The following CD22 variants were observed in gnomAD, a reference collection of about 807,000 sequenced individuals.
The protein encoded by CD22 is B-cell receptor CD22.
Under a neutral mutation model 94.7 loss-of-function variants are expected in CD22, and 51 were observed. That is an observed-to-expected ratio of 0.54 (90% confidence interval 0.43 to 0.68). The LOEUF is 0.68. Among genes scored for constraint, CD22 ranks in the 30% least tolerant of loss-of-function variants. CD22 has a pLI of 0.00. For synonymous variants in CD22, 424 were observed against 422.5 expected (o/e 1.00, Z -0.04); for missense variants, 931 against 1,060.4 (o/e 0.88, Z 1.69).
At position 35,337,523 on chromosome 19, in the gene CD22, C is replaced by A. The variant is rs73031767; in HGVS notation, c.719-232C>A. Among the ~76,000 whole-genome samples, 1,269 of 152,220 alleles carry A rather than the reference C, an allele frequency of 8.3e-3. 10 individuals are homozygous for A. Among genetic ancestry groups the A allele is most frequent in the Non-Finnish European group, 0.013 (915 of 68,016 alleles). Reference sequence around the variant, plus strand: ...CACAGAACCCGCTCGTGGTTTCCAGCAGGATTGGCGAGGTCTGGTAGATGG... The same window carrying A: ...CACAGAACCCGCTCGTGGTTTCCAGAAGGATTGGCGAGGTCTGGTAGATGG... On this transcript the variant is annotated intron_variant, in intron 4 of 13. Coordinates refer to ENST00000085219, the MANE Select transcript of CD22 (RefSeq NM_001771.4). The surrounding 1 kb of genome is among the most constrained non-coding windows in gnomAD (Gnocchi z 4.4).
chr19:35,346,151 A>T lies in CD22; in HGVS notation c.2328A>T (p.Gly776=). The T allele has an allele frequency of 5.6e-6, 9 of 1,612,212 alleles. No individual in the cohort carries two copies. Among genetic ancestry groups the T allele is most frequent in the Non-Finnish European group, 7.6e-6 (9 of 1,178,366 alleles). ...GTCGTCTATCTGCCCTGTCTCTCAG[A>T]GATGCAGAGTCCTCAGAGATGCAGA... ...RFPEMNIPRT[G]DAESSEMQRP... The change falls in exon 13 of 14, where the codon GGA becomes GGT. Residue 776 remains glycine (G), a splice_region_variant and synonymous_variant. Coordinates refer to ENST00000085219, the MANE Select transcript of CD22 (RefSeq NM_001771.4).
intron 3 of CD22, among the ~76,000 whole-genome samples, chr19:35,333,955 T>C (rs1471884281): frequency 6.6e-6 from 1 of 152,192 alleles, no homozygotes; most frequent in Non-Finnish European, 1.5e-5. Context: ...CAAGGTCAGA[T>C]GACACTGTTG....
rs768294030 is a variant in CD22 at position 35,341,492 on chromosome 19, G to C, written c.1657G>C (p.Glu553Gln). 1 of 1,614,188 alleles carries C rather than the reference G, an allele frequency of 6.2e-7. No homozygotes were observed. Among genetic ancestry groups the C allele is most frequent in the South Asian group, 1.1e-5 (1 of 91,092 alleles). The part of the protein sequence containing the change: ...WEKNGRLLGK[E>Q]SQLNFDSISP... ...GAAAAATGGCAGGCTTCTGGGGAAA[G>C]AAAGCCAGCTGAATTTTGACTCCAT... The change falls in exon 8 of 14, where the codon GAA becomes CAA. Residue 553 changes from glutamate to glutamine, a missense_variant. Physicochemically the swap from Glu to Gln is conservative, Grantham distance 29 (BLOSUM62 2). Transcript: ENST00000085219. This position sits in a 1 kb window ranked among gnomAD's most constrained non-coding sequence, Gnocchi z 4.0.
chr19:35,338,478 A>G (rs7248108), intron 6 of CD22, 47 bp downstream of exon 6: 69,713 of 1,578,330 alleles, frequency 0.044, 3,504 homozygotes, highest in African/African-American at 0.25. Context: ...AGATGGACAC[A>G]GGGAACGGGG....
At chr19:35,334,517 G>T (rs533764223) in intron 3 of CD22, among the ~76,000 whole-genome samples, 5 of 152,336 alleles carry the variant, frequency 3.3e-5, no homozygotes, top group African/African-American at 1.2e-4. Context: ...CCCTGCCACA[G>T]GGAGTGTGGT....
intron 12 of CD22, 77 bp from the exon 13 acceptor site, chr19:35,346,074 G>T: frequency 1.8e-6 from 2 of 1,118,786 alleles, no homozygotes; most frequent in Admixed American, 1.7e-5. Context: ...GTGCTGTTGG[G>T]GGCTCTGGGT....
chr19:35,340,447 T>C (rs540729085), intron 6 of CD22, among the ~76,000 whole-genome samples: 1 of 152,200 alleles, frequency 6.6e-6, no homozygotes, highest in Non-Finnish European at 1.5e-5. Context: ...CATGCATAGC[T>C]AATTTTTAAA....
intron 9 of CD22, among the ~76,000 whole-genome samples, chr19:35,344,111 G>A (rs1027801440): frequency 1.5e-4 from 23 of 152,328 alleles, no homozygotes; most frequent in African/African-American, 5.3e-4. Flanking sequence ...CAGGAGAATC[G>A]CTTGAACCCG....
intron 9 of CD22, among the ~76,000 whole-genome samples, chr19:35,343,941 C>T (rs1316448729): frequency 6.6e-6 from 1 of 151,898 alleles, no homozygotes; most frequent in East Asian, 1.9e-4. Flanking sequence ...AAGTGGGTGG[C>T]CACAAGCACT....
chr19:35,341,574 C>T lies in CD22; in HGVS notation c.1739C>T (p.Thr580Ile), dbSNP rs1393965007. Residue 580 changes from threonine (T) to isoleucine (I), a missense_variant, in exon 8 of 14, where the codon ACA (threonine) becomes ATA (isoleucine). Transcript: ENST00000085219. The surrounding 1 kb of genome is among the most constrained non-coding windows in gnomAD (Gnocchi z 4.0). ...TGGGTGAACAACTCCATAGGACAGA[C>T]AGCGTCCAAGGCCTGGACACTTGAA... Reference protein sequence around the residue: ...SCWVNNSIGQTASKAWTLEVL... With the variant: ...SCWVNNSIGQIASKAWTLEVL... 6.2e-7 allele frequency: 1 copy of T among 1,613,544 alleles called. No homozygotes were observed. The highest frequency in any genetic ancestry group is 8.5e-7 in the Non-Finnish European group (1 of 1,179,670).
Position 35,332,700 on chromosome 19 carries a change from A to G in CD22, c.188A>G (p.Glu63Gly). 6.2e-7 allele frequency: 1 copy of G among 1,614,138 alleles called. No homozygotes were observed. ...LESFILFHNP[E>G]YNKNTSKFDG... ...AGCTTCATCCTGTTCCACAATCCTG[A>G]GTATAACAAGAACACCTCGAAGTTT... The change falls in exon 3 of 14, where the codon GAG becomes GGG. Residue 63 changes from glutamate to glycine, a missense_variant. Glu to Gly is a moderately conservative substitution (Grantham distance 98, BLOSUM62 -2). Coordinates refer to ENST00000085219, the MANE Select transcript of CD22 (RefSeq NM_001771.4).
chr19:35,332,480 TA>T, intron 2 of CD22, 66 bp from the exon 3 acceptor site: 1 of 1,433,248 alleles, frequency 7.0e-7, no homozygotes, highest in Middle Eastern at 2.3e-4. Flanking sequence ...AATTTTAAAA[TA>T]AAAAATAACT....
intron 3 of CD22, among the ~76,000 whole-genome samples, chr19:35,334,223 T>A (rs2066685703): frequency 1.3e-5 from 2 of 151,936 alleles, no homozygotes; most frequent in Admixed American, 6.6e-5. Context: ...ATCAAGGAGG[T>A]CTGTGTGACC....
intron 9 of CD22, among the ~76,000 whole-genome samples, chr19:35,343,760 C>T (rs1313959129): frequency 4.0e-5 from 6 of 151,848 alleles, no homozygotes; most frequent in African/African-American, 7.3e-5. Flanking sequence ...ATTTTAAAAA[C>T]GAACAAACAA....
chr19:35,336,613 ATC>A, intron 4 of CD22: 1 of 485,520 alleles, frequency 2.1e-6, no homozygotes, highest in Non-Finnish European at 3.7e-6. Context: ...TTTTTTTCGC[ATC>A]ATTATCTTGT....
chr19:35,329,342 C>T (rs1017981832), intron 1 of CD22, 112 bp downstream of exon 1: 10 of 594,300 alleles, frequency 1.7e-5, no homozygotes, highest in Non-Finnish European at 2.5e-5. Flanking sequence ...ACCTCCCTGG[C>T]TCTCTCTTAC....
rs1261524507 is a variant in CD22, at chr19:35,332,158, C to A, written c.34+84C>A. The A allele has an allele frequency of 2.0e-6, 3 of 1,515,972 alleles. No homozygotes were observed. The African/African-American group carries it at 4.1e-5, about 21-fold the overall frequency. 93.9% of individuals were successfully genotyped at this position (1,515,972 alleles called of 1,614,324 possible). On this transcript the variant is annotated intron_variant, in intron 2 of 13. Transcript: ENST00000085219. ...AGGAGGAAAGACCCAGGCAGAGAGGCGTCAACATAGGGTAGGGTGGGGGCA... is the reference window on the plus strand; with the variant it reads ...AGGAGGAAAGACCCAGGCAGAGAGGAGTCAACATAGGGTAGGGTGGGGGCA...
intron 1 of CD22, 74 bp downstream of exon 1, chr19:35,329,304 AC>A (rs1687300299): frequency 1.0e-6 from 1 of 984,866 alleles, no homozygotes. Context: ...GGCCAGGCAT[AC>A]CTCCCAGAGC....
chr19:35,334,063 C>G (rs761677428), intron 3 of CD22, among the ~76,000 whole-genome samples: 1 of 152,096 alleles, frequency 6.6e-6, no homozygotes, highest in Non-Finnish European at 1.5e-5. Context: ...TTAATTTAGC[C>G]AAAGCAAGGG....
Sources: gnomAD v4.1 joint callset for allele counts (sites outside exome capture counted in the v4.1 genomes callset) on GRCh38, gnomAD v4.1.1 for gene constraint, Gnocchi (gnomAD v3.1) non-coding constraint, MANE v1.5 for transcripts, NCBI Gene and HGNC (gene_info 2026-07-23, HGNC 2026-07-21) for gene names.